Variants in EMCN observed in about 807,000 individuals in gnomAD.
EMCN encodes the protein endomucin, also known as MUC-14.
EMCN carries 37 observed loss-of-function variants against 38.4 expected under a neutral mutation model. The ratio of observed to expected loss-of-function variants is 0.96; its 90% CI spans 0.74 to 1.27. The LOEUF is 1.27. Ranked by LOEUF, EMCN falls within the 50% of genes most tolerant of loss-of-function variation. EMCN has a pLI of 0.00. For synonymous variants in EMCN, 95 were observed against 100.8 expected, an observed-to-expected ratio of 0.94 and a Z score of 0.35; for missense variants, 318 against 302.8, an observed-to-expected ratio of 1.05 and a Z score of -0.37.
At chr4:100,441,498 A>G (rs1249013503) in intron 5 of EMCN, among the ~76,000 whole-genome samples, 1 of 152,186 alleles carries the variant, frequency 6.6e-6, no homozygotes, top group Non-Finnish European at 1.5e-5. Flanking sequence ...ATTTATTTGT[A>G]TCCAAGGTCA....
chr4:100,410,368 GAT>G lies in EMCN; in HGVS notation c.752-15_752-14del, dbSNP rs1560603513. 1.9e-6 allele frequency: 3 copies of G among 1,612,782 alleles called. No homozygotes were observed. Among genetic ancestry groups the G allele is most frequent in the South Asian group, 2.2e-5 (2 of 91,028 alleles). On this transcript the variant is annotated splice_polypyrimidine_tract_variant and intron_variant, in intron 10 of 11. Transcript: ENST00000296420. ...GCAGAGTGCTCACCTGAGAACAGAA[GAT>G]ATGTTTTGATCTGTAAGCTCAGAGA... is the stretch of plus-strand genomic sequence containing the variant.
At chr4:100,466,184 T>C (rs1489472507) in intron 3 of EMCN, among the ~76,000 whole-genome samples, 1 of 152,132 alleles carries the variant, frequency 6.6e-6, no homozygotes, top group African/African-American at 2.4e-5. Flanking sequence ...TATTTGCCCA[T>C]ATATTCTGAA....
intron 7 of EMCN, among the ~76,000 whole-genome samples, chr4:100,421,799 A>G (rs1401610788): frequency 2.6e-5 from 4 of 152,094 alleles, no homozygotes; most frequent in Non-Finnish European, 4.4e-5. Flanking sequence ...GGCTTTCTAA[A>G]ACACTCACAA....
chr4:100,451,911 A>T (rs1727849738), intron 4 of EMCN, among the ~76,000 whole-genome samples: 1 of 152,040 alleles, frequency 6.6e-6, no homozygotes, highest in African/African-American at 2.4e-5. Flanking sequence ...GTGAAAGTAT[A>T]ATCCTATTTT....
rs1578245641 is a variant in EMCN, at chr4:100,518,011, TGTA to T, written c.-100_-98del. On this transcript the variant is annotated 5_prime_UTR_variant, in exon 1 of 12. Transcript: ENST00000296420. ...GGGCCTTATTAGCAAATGGAAAAGG[TGTA>T]GTGAATGTGAATAGCCACTGCCCAT... 4 of 1,194,750 alleles carry T rather than the reference TGTA, an allele frequency of 3.3e-6. No individual in the cohort carries two copies. In the East Asian group the frequency reaches 9.4e-5, roughly 28 times the overall value. The allele number at this position is 1,194,750 out of a possible 1,614,324, so 74.0% of individuals were successfully genotyped here. A position where few individuals can be genotyped will look rare whatever the true frequency, so the allele number is the denominator to read the frequency against.
intron 8 of EMCN, among the ~76,000 whole-genome samples, chr4:100,420,475 A>AAC (rs1726858077): frequency 1.3e-5 from 2 of 152,026 alleles, no homozygotes; most frequent in South Asian, 4.1e-4. Flanking sequence ...CTACTACATT[A>AAC]TACGACCAGG....
intron 11 of EMCN, among the ~76,000 whole-genome samples, chr4:100,399,255 T>C (rs2116992): frequency 0.9 from 137,352 of 152,204 alleles, 61,994 homozygotes; most frequent in South Asian, 0.96. Context: ...ACGAAAAGGG[T>C]AGTGGCCCAA....
intron 4 of EMCN, among the ~76,000 whole-genome samples, chr4:100,450,476 T>C (rs527598456): frequency 7.2e-5 from 11 of 151,968 alleles, no homozygotes; most frequent in Non-Finnish European, 1.6e-4. Flanking sequence ...GACTTACACC[T>C]AGAACATGAT....
intron 4 of EMCN, among the ~76,000 whole-genome samples, chr4:100,455,762 A>T (rs1030095650): frequency 2.2e-4 from 34 of 151,842 alleles, no homozygotes; most frequent in African/African-American, 8.2e-4. Context: ...ATAATTTTAT[A>T]CACTTGGATT....
Position 100,461,023 on chromosome 4 carries a change from A to G in EMCN, c.376+4400T>C, listed in dbSNP as rs530561936. On this transcript the variant is annotated intron_variant, in intron 4 of 11. Coordinates refer to ENST00000296420, the MANE Select transcript of EMCN (RefSeq NM_016242.4). ...TAGAATAAAATTCACTGTCCTTACC[A>G]TGGCCTATGTAGCCCTGTCTGGACT... Among the ~76,000 whole-genome samples, 6 of 152,272 alleles carry G rather than the reference A, an allele frequency of 3.9e-5. No homozygotes were observed. In the East Asian group the frequency reaches 7.7e-4, roughly 20 times the overall value.
intron 1 of EMCN, among the ~76,000 whole-genome samples, chr4:100,508,831 T>C (rs1445256395): frequency 6.6e-6 from 1 of 152,196 alleles, no homozygotes; most frequent in African/African-American, 2.4e-5. Flanking sequence ...ACAGTCACTA[T>C]AATTCAAAGT....
intron 1 of EMCN, among the ~76,000 whole-genome samples, chr4:100,492,767 A>T (rs1191333855): frequency 6.6e-6 from 1 of 152,212 alleles, no homozygotes; most frequent in Non-Finnish European, 1.5e-5. Context: ...CGAATGGAAG[A>T]GAAGACACTA....
chr4:100,512,294 C>T (rs1729646049), intron 1 of EMCN, among the ~76,000 whole-genome samples: 1 of 152,034 alleles, frequency 6.6e-6, no homozygotes, highest in South Asian at 2.1e-4. Context: ...TTATGGTTGC[C>T]CCAAATTTGG....
At chr4:100,464,487 C>T (rs1201194922) in intron 4 of EMCN, among the ~76,000 whole-genome samples, 2 of 151,984 alleles carry the variant, frequency 1.3e-5, no homozygotes, top group East Asian at 3.9e-4. Context: ...AAGGGGAAAA[C>T]ATTAAGTCTT....
chr4:100,517,877 G>T lies in EMCN; in HGVS notation c.38C>A (p.Pro13His), dbSNP rs1230590767. The T allele has an allele frequency of 9.3e-6, 15 of 1,612,752 alleles. No individual in the cohort carries two copies. Among genetic ancestry groups the T allele is most frequent in the Non-Finnish European group, 1.2e-5 (14 of 1,179,028 alleles). Residue 13 changes from proline (P) to histidine (H), a missense_variant, in exon 1 of 12, where the codon CCC becomes CAC. Pro to His is a moderately conservative substitution (Grantham distance 77). Coordinates refer to ENST00000296420, the MANE Select transcript of EMCN (RefSeq NM_016242.4). ...TGTGCTGTTACTGCTGCAAATACTG[G>T]GCAGAAGAAAAAGAATGGTCACTTG... ...LLQVTILFLL[P>H]SICSSNSTGV... is the part of the protein sequence containing the mutation.
intron 4 of EMCN, among the ~76,000 whole-genome samples, chr4:100,457,407 G>T (rs566712612): frequency 6.6e-6 from 1 of 152,158 alleles, no homozygotes; most frequent in South Asian, 2.1e-4. Context: ...TTTCAACTTT[G>T]TACTGTTGAC....
chr4:100,481,483 C>T (rs1422252648), intron 1 of EMCN, among the ~76,000 whole-genome samples: 1 of 152,102 alleles, frequency 6.6e-6, no homozygotes, highest in Non-Finnish European at 1.5e-5. Context: ...AATGATAGAA[C>T]TGCATTTTCA....
At chr4:100,429,854 T>C (rs1214687198) in intron 5 of EMCN, among the ~76,000 whole-genome samples, 1 of 152,174 alleles carries the variant, frequency 6.6e-6, no homozygotes, top group Non-Finnish European at 1.5e-5. Flanking sequence ...ATACTGTGGC[T>C]CAGAGAGATA....
chr4:100,445,170 C>T (rs913544373), intron 5 of EMCN, among the ~76,000 whole-genome samples: 1 of 152,076 alleles, frequency 6.6e-6, no homozygotes, highest in African/African-American at 2.4e-5. Flanking sequence ...GATGTAGTTG[C>T]TTATTCATTA....
Sources: gnomAD v4.1 joint callset for allele counts (sites outside exome capture counted in the v4.1 genomes callset) on GRCh38, gnomAD v4.1.1 for gene constraint, MANE v1.5 for transcripts, NCBI Gene and HGNC (gene_info 2026-07-23, HGNC 2026-07-21) for gene names.